The following KCNIP1 variants were observed in gnomAD, a reference collection of about 807,000 sequenced individuals.
KCNIP1 encodes potassium voltage-gated channel interacting protein 1.
KCNIP1 carries 18 observed loss-of-function variants against 33.0 expected under a neutral mutation model. The ratio of observed to expected loss-of-function variants is 0.55; its 90% CI spans 0.38 to 0.81. The LOEUF is 0.81. KCNIP1 is among the 30% of genes least tolerant of loss of function. The pLI is 0.00. For missense variants in KCNIP1, 238 were observed against 271.6 expected, an observed-to-expected ratio of 0.88 and a Z score of 0.87; for synonymous variants, 93 against 98.3, an observed-to-expected ratio of 0.95 and a Z score of 0.32.
At chr5:170,394,351 A>T (rs1442643402) in intron 1 of KCNIP1, among the ~76,000 whole-genome samples, 1 of 152,126 alleles carries the variant, frequency 6.6e-6, no homozygotes, top group Non-Finnish European at 1.5e-5. Context: ...CATGTCTCCT[A>T]ACCCAAGGGT....
At chr5:170,536,239 G>A (rs192196252) in intron 1 of KCNIP1, among the ~76,000 whole-genome samples, 9 of 152,318 alleles carry the variant, frequency 5.9e-5, no homozygotes, top group African/African-American at 1.7e-4. Flanking sequence ...TAAACTAGGC[G>A]CTCCTTGCAT....
intron 1 of KCNIP1, among the ~76,000 whole-genome samples, chr5:170,473,205 G>T (rs1418649143): frequency 2.6e-5 from 4 of 151,954 alleles, no homozygotes; most frequent in Non-Finnish European, 5.9e-5. Context: ...TTTTTCATAT[G>T]TTTCTTAGCC....
chr5:170,641,027 A>G (rs1760526360), intron 1 of KCNIP1, among the ~76,000 whole-genome samples: 2 of 152,174 alleles, frequency 1.3e-5, no homozygotes, highest in South Asian at 4.1e-4. Flanking sequence ...GTTGCTAAGT[A>G]GAAAGAATAT....
At chr5:170,363,485 C>A (rs1763572057) in intron 1 of KCNIP1, among the ~76,000 whole-genome samples, 1 of 152,188 alleles carries the variant, frequency 6.6e-6, no homozygotes, top group African/African-American at 2.4e-5. Context: ...CATGTGAGGG[C>A]AAGATGGCCA....
rs540425581 is a variant in KCNIP1 at position 170,445,839 on chromosome 5, T to C, written c.88+91875T>C. On this transcript the variant is annotated intron_variant, in intron 1 of 7. Coordinates refer to the KCNIP1 transcript ENST00000377360. The stretch of plus-strand genomic sequence containing the variant: ...GGTTAAAGAAGGTGAAAGGGCTGCA[T>C]TGGGCAACATTGTTCCTTCAATCCT... Among the ~76,000 whole-genome samples the C allele has an allele frequency of 6.4e-4, 97 of 152,204 alleles. 1 individual carries two copies. Among genetic ancestry groups the C allele is most frequent in the Non-Finnish European group, 1.3e-3 (87 of 68,042 alleles).
chr5:170,536,342 C>T (rs1755984081), intron 1 of KCNIP1, among the ~76,000 whole-genome samples: 1 of 152,166 alleles, frequency 6.6e-6, no homozygotes, highest in African/African-American at 2.4e-5. Flanking sequence ...TTTCCCTGGG[C>T]CTCAGTTTTC....
At chr5:170,537,764 C>T (rs1400464432) in intron 1 of KCNIP1, among the ~76,000 whole-genome samples, 2 of 152,238 alleles carry the variant, frequency 1.3e-5, no homozygotes, top group African/African-American at 2.4e-5. Flanking sequence ...CCTCATTCAT[C>T]AAATTGGGGT....
intron 1 of KCNIP1, among the ~76,000 whole-genome samples, chr5:170,700,641 A>G (rs1230592928): frequency 2.0e-5 from 3 of 152,230 alleles, no homozygotes; most frequent in African/African-American, 4.8e-5. Context: ...GAGATTGTTC[A>G]TGCATGGAAT....
At chr5:170,655,381 G>A (rs747919395) in intron 1 of KCNIP1, among the ~76,000 whole-genome samples, 8 of 152,138 alleles carry the variant, frequency 5.3e-5, no homozygotes, top group African/African-American at 1.9e-4. Flanking sequence ...GGCCAAGGAA[G>A]GCATAATTCA....
chr5:170,476,365 G>A (rs1310911457), intron 1 of KCNIP1, among the ~76,000 whole-genome samples: 7 of 152,160 alleles, frequency 4.6e-5, no homozygotes, highest in African/African-American at 1.7e-4. Flanking sequence ...GTGTTGAACT[G>A]TCCTCTCAAT....
At chr5:170,590,608 C>T (rs1024598602) in intron 1 of KCNIP1, among the ~76,000 whole-genome samples, 1 of 152,158 alleles carries the variant, frequency 6.6e-6, no homozygotes, top group Non-Finnish European at 1.5e-5. Flanking sequence ...CCTGCACCTT[C>T]AGCCTCAGCT....
At chr5:170,729,330 A>G (rs1049958612) in intron 5 of KCNIP1, among the ~76,000 whole-genome samples, 2 of 152,106 alleles carry the variant, frequency 1.3e-5, no homozygotes, top group African/African-American at 4.8e-5. Flanking sequence ...ACTTGTTTTT[A>G]AAAATCTGCA....
intron 1 of KCNIP1, chr5:170,485,953 T>G (rs1388853537): frequency 6.6e-6 from 1 of 152,324 alleles, no homozygotes; most frequent in Non-Finnish European, 1.5e-5. Context: ...TTTTCTCATT[T>G]TATCGTCCTA....
chr5:170,602,481 A>G (rs1304210901), intron 1 of KCNIP1, among the ~76,000 whole-genome samples: 1 of 152,190 alleles, frequency 6.6e-6, no homozygotes, highest in Admixed American at 6.5e-5. Flanking sequence ...TCAGTGTTGG[A>G]AGGAAATTTG....
intron 1 of KCNIP1, among the ~76,000 whole-genome samples, chr5:170,488,962 G>A (rs993285023): frequency 6.6e-6 from 1 of 152,190 alleles, no homozygotes; most frequent in Non-Finnish European, 1.5e-5. Context: ...GTGAGGTGTG[G>A]GGTGTAATTA....
chr5:170,498,517 A>G (rs1431444463), intron 1 of KCNIP1, among the ~76,000 whole-genome samples: 1 of 152,024 alleles, frequency 6.6e-6, no homozygotes, highest in Non-Finnish European at 1.5e-5. Flanking sequence ...AACTTACTGC[A>G]CCACTCTTTC....
At chr5:170,543,967 G>A (rs555971052) in intron 1 of KCNIP1, among the ~76,000 whole-genome samples, 11 of 152,328 alleles carry the variant, frequency 7.2e-5, no homozygotes, top group African/African-American at 2.4e-4. Flanking sequence ...CTAGAAACCA[G>A]CGTTAATGGG....
At chr5:170,604,314 G>A (rs1230198720) in intron 1 of KCNIP1, among the ~76,000 whole-genome samples, 1 of 152,188 alleles carries the variant, frequency 6.6e-6, no homozygotes, top group Non-Finnish European at 1.5e-5. Flanking sequence ...TGGTGGAGGT[G>A]AGGTCAGGGT....
chr5:170,390,539 T>TATATA (rs1581143220), intron 1 of KCNIP1, among the ~76,000 whole-genome samples: 1 of 133,748 alleles, frequency 7.5e-6, no homozygotes, highest in Non-Finnish European at 1.6e-5. Flanking sequence ...TATATATATA[T>TATATA]TTTCAACAAA....
Sources: gnomAD v4.1 joint callset for allele counts (sites outside exome capture counted in the v4.1 genomes callset) on GRCh38, gnomAD v4.1.1 for gene constraint, MANE v1.5 for transcripts, NCBI Gene and HGNC (gene_info 2026-07-23, HGNC 2026-07-21) for gene names.